LIG3: variants seen among roughly 807,000 people sequenced by gnomAD.
LIG3 encodes the protein ligase II, DNA, ATP-dependent.
In LIG3, 58 loss-of-function variants were observed where a neutral mutation model predicts 110.9. That is an observed-to-expected ratio of 0.52 (90% confidence interval 0.42 to 0.65). LIG3 has a LOEUF of 0.65. Ranked by LOEUF, LIG3 falls within the 30% of genes least tolerant of loss-of-function variation. LIG3 has a pLI of 0.00. For synonymous variants in LIG3, 422 were observed against 472.8 expected (o/e 0.89, Z 1.39); for missense variants, 1,094 against 1,273.8 (o/e 0.86, Z 2.15).
At chr17:34,993,186 C>T (rs2090744009) in intron 8 of LIG3, among the ~76,000 whole-genome samples, 1 of 152,226 alleles carries the variant, frequency 6.6e-6, no homozygotes, top group Non-Finnish European at 1.5e-5. Context: ...TGACAGACAT[C>T]ATCTTAGGCC....
intron 15 of LIG3, 147 bp downstream of exon 15, chr17:34,999,596 C>T: frequency 1.7e-6 from 2 of 1,178,830 alleles, no homozygotes; most frequent in Non-Finnish European, 1.2e-6. Flanking sequence ...GCCTTATAAT[C>T]TCTGAATGCC....
intron 12 of LIG3, 88 bp downstream of exon 12, chr17:34,997,913 A>C: frequency 1.0e-6 from 1 of 987,698 alleles, no homozygotes; most frequent in Non-Finnish European, 1.6e-6. Context: ...TGGAAGAATA[A>C]ATCTTAATGT....
rs1241486702 is a variant in LIG3, at chr17:34,994,410, C to T, written c.1590C>T (p.Leu530=). ...ACTTCAGCTACTTCAGCCGCAGTCT[C>T]AAGCCCGTCCTTCCTCACAAGGTAT... ...GDHFSYFSRS[L]KPVLPHKVAH... Residue 530 remains leucine, a synonymous_variant, in exon 9 of 20, where the codon CTC becomes CTT. Coordinates refer to ENST00000378526, the MANE Select transcript of LIG3 (RefSeq NM_013975.4). 6.2e-7 allele frequency: 1 copy of T among 1,613,984 alleles called. No individual in the cohort carries two copies. Among genetic ancestry groups the T allele is most frequent in the Admixed American group, 1.7e-5 (1 of 59,984 alleles).
intron 3 of LIG3, among the ~76,000 whole-genome samples, chr17:34,988,714 T>G (rs1416615882): frequency 6.6e-6 from 1 of 152,196 alleles, no homozygotes; most frequent in Non-Finnish European, 1.5e-5. Context: ...AAAGAAAAGT[T>G]GAAGCAGCGA....
At chr17:34,990,307 T>C (rs761572091) in intron 4 of LIG3, among the ~76,000 whole-genome samples, 6 of 152,260 alleles carry the variant, frequency 3.9e-5, no homozygotes, top group Non-Finnish European at 7.3e-5. Flanking sequence ...AGACAAAAAA[T>C]GTGGCTGTGT....
Position 34,983,147 on chromosome 17 carries a change from C to A in LIG3, c.142C>A (p.Pro48Thr), listed in dbSNP as rs773267221. Residue 48 changes from proline to threonine, a missense_variant, in exon 2 of 20, where the codon CCC becomes ACC. Pro to Thr is a conservative substitution (Grantham distance 38). Coordinates refer to ENST00000378526, the MANE Select transcript of LIG3 (RefSeq NM_013975.4). ...WSETDLLHGH[P>T]LFLRRKPVLS... Reference sequence around the variant, plus strand: ...AGAAACAGATCTGCTTCATGGACATCCCCTCTTCCTGAGAAGAAAGCCTGT... The same window carrying A: ...AGAAACAGATCTGCTTCATGGACATACCCTCTTCCTGAGAAGAAAGCCTGT... 4 of 1,614,174 alleles carry A rather than the reference C, an allele frequency of 2.5e-6. No individual in the cohort carries two copies. Among genetic ancestry groups the A allele is most frequent in the Non-Finnish European group, 3.4e-6 (4 of 1,180,026 alleles).
At chr17:34,983,685 A>G (rs1169006122) in intron 2 of LIG3, 133 bp downstream of exon 2, 3 of 904,730 alleles carry the variant, frequency 3.3e-6, no homozygotes, top group Non-Finnish European at 5.0e-6. Flanking sequence ...TGCCTAGGCC[A>G]GTGTTTAATG....
chr17:34,983,455 C>T lies in LIG3; in HGVS notation c.450C>T (p.Ala150=). Residue 150 remains alanine, a synonymous_variant, in exon 2 of 20, where the codon GCC becomes GCT. Transcript: ENST00000378526. ...IKCMFEKLER[A]RATTKKIEDL... ...GCATGTTTGAGAAACTAGAGCGGGC[C>T]CGGGCCACCACAAAAAAAATCGAGG... 1 of 1,613,984 alleles carries T rather than the reference C, an allele frequency of 6.2e-7. No individual in the cohort carries two copies. Among genetic ancestry groups the T allele is most frequent in the Non-Finnish European group, 8.5e-7 (1 of 1,179,988 alleles).
intron 5 of LIG3, 135 bp downstream of exon 5, chr17:34,991,249 C>G (rs2090717586): frequency 1.3e-6 from 1 of 797,776 alleles, no homozygotes; most frequent in African/African-American, 1.7e-5. Flanking sequence ...GAGCAAGCTT[C>G]CGTTATAGGG....
At chr17:34,986,537 G>C (rs906997949) in intron 3 of LIG3, among the ~76,000 whole-genome samples, 1 of 152,152 alleles carries the variant, frequency 6.6e-6, no homozygotes, top group African/African-American at 2.4e-5. Context: ...GGCCAGGCTG[G>C]TCTCAAACTC....
In LIG3 at chr17:34,986,037, G is replaced by T; in HGVS notation, c.597G>T (p.Gln199His). ...CACCAAAGAAGAAAGCTGTTGTCCA[G>T]GCTAAGTTGACAACCACTGGCCAGG... is the stretch of plus-strand genomic sequence containing the variant. ...AGTPKKKAVV[Q>H]AKLTTTGQVT... The change falls in exon 3 of 20, where the codon CAG becomes CAT. Residue 199 changes from glutamine (Q) to histidine (H), a missense_variant. By Grantham distance (24) the Gln-to-His change is conservative. Coordinates refer to ENST00000378526, the MANE Select transcript of LIG3 (RefSeq NM_013975.4). 23 of 1,614,106 alleles carry T rather than the reference G, an allele frequency of 1.4e-5. No homozygotes were observed. The highest frequency in any genetic ancestry group is 1.8e-5 in the Non-Finnish European group (21 of 1,179,968).
rs1445775361 is a variant in LIG3, at chr17:34,996,648, G to A, written c.1818G>A (p.Met606Ile). The stretch of plus-strand genomic sequence containing the variant: ...TCTACTTTAATGATGTCAGCTTGAT[G>A]GACAGGTGAGTTGGCTAGCATCTTT... ...DCIYFNDVSL[M>I]DRPLCERRKF... is the part of the protein sequence containing the mutation. The change falls in exon 11 of 20, where the codon ATG becomes ATA. Residue 606 changes from methionine (M) to isoleucine (I), a missense_variant. Physicochemically the swap from Met to Ile is conservative, Grantham distance 10 (BLOSUM62 1). Coordinates refer to ENST00000378526, the MANE Select transcript of LIG3 (RefSeq NM_013975.4). 4 of 1,613,068 alleles carry A rather than the reference G, an allele frequency of 2.5e-6. No individual in the cohort carries two copies. Among genetic ancestry groups the A allele is most frequent in the Non-Finnish European group, 2.5e-6 (3 of 1,179,136 alleles).
At chr17:34,982,963 CTTT>C (rs3084117) in intron 1 of LIG3, 36 bp from the exon 2 acceptor site, 20,950 of 1,216,674 alleles carry the variant, frequency 0.017, no homozygotes, top group South Asian at 0.027. Flanking sequence ...TTGTTTATAT[CTTT>C]TTTTTTTTTT....
At chr17:34,984,075 G>A (rs1040837262) in intron 2 of LIG3, among the ~76,000 whole-genome samples, 6 of 152,110 alleles carry the variant, frequency 3.9e-5, no homozygotes, top group African/African-American at 1.4e-4. Context: ...ACCCTTATGC[G>A]ACTATAATAT....
At chr17:35,010,271 C>T (rs1001032002), downstream of LIG3, 3 of 152,116 alleles carry the variant, frequency 2.0e-5, no homozygotes, top group East Asian at 1.9e-4. Flanking sequence ...TCTGCCAAGG[C>T]GTTTAGGGTT....
chr17:34,981,403 T>C (rs1391752770), intron 1 of LIG3: 3 of 152,240 alleles, frequency 2.0e-5, no homozygotes, highest in Admixed American at 2.0e-4. Flanking sequence ...TAGCCCTTTG[T>C]GAATATCACG....
At chr17:34,999,885 A>G in intron 16 of LIG3, 29 bp downstream of exon 16, 4 of 1,565,144 alleles carry the variant, frequency 2.6e-6, no homozygotes, top group Non-Finnish European at 3.5e-6. Flanking sequence ...GGGGGCCTCC[A>G]GCTCATAGAA....
At chr17:34,986,281 C>A in intron 3 of LIG3, 150 bp downstream of exon 3, 1 of 789,238 alleles carries the variant, frequency 1.3e-6, no homozygotes, top group Non-Finnish European at 2.0e-6. Context: ...ATGGCTAATT[C>A]TAAGCCTTCC....
rs1390737169 is a variant in LIG3 at position 35,004,489 on chromosome 17, CT to C, written c.3014del (p.Leu1005ArgfsTer2). The C allele has an allele frequency of 6.2e-7, 1 of 1,613,806 alleles. No individual in the cohort carries two copies. The highest frequency in any genetic ancestry group is 2.2e-5 in the East Asian group (1 of 44,868). Reference protein sequence around the residue: ...WIWACIRKRRLVAPC With the variant: ...WIWACIRKRRXVAPC ...TTGGGCATGTATCCGGAAACGGAGACTGGTAGCTCCCTGCTAGGTTTGCTGT... is the reference window on the plus strand; with the variant it reads ...TTGGGCATGTATCCGGAAACGGAGACGGTAGCTCCCTGCTAGGTTTGCTGT... On this transcript the variant is annotated frameshift_variant, in exon 20 of 20. Coordinates refer to ENST00000378526, the MANE Select transcript of LIG3 (RefSeq NM_013975.4). LOFTEE classifies it high-confidence loss of function.
Sources: gnomAD v4.1 joint callset for allele counts (sites outside exome capture counted in the v4.1 genomes callset) on GRCh38, gnomAD v4.1.1 for gene constraint, MANE v1.5 for transcripts, NCBI Gene and HGNC (gene_info 2026-07-23, HGNC 2026-07-21) for gene names.